Variants in NEDD4L observed in about 807,000 individuals in gnomAD.
The protein encoded by NEDD4L is NEDD4 like E3 ubiquitin protein ligase, also known as E3 ubiquitin-protein ligase NEDD4-like.
Under a neutral mutation model 148.9 loss-of-function variants are expected in NEDD4L, and 54 were observed. The ratio of observed to expected loss-of-function variants is 0.36; its 90% confidence interval spans 0.29 to 0.45. The LOEUF is 0.45. Among genes scored for constraint, NEDD4L ranks in the 20% least tolerant of loss-of-function variants. NEDD4L has a pLI of 1.00. For synonymous variants in NEDD4L, 433 were observed against 440.7 expected, an observed-to-expected ratio of 0.98 and a Z score of 0.22; for missense variants, 856 against 1,233.8, an observed-to-expected ratio of 0.69 and a Z score of 4.59.
intron 1 of NEDD4L, among the ~76,000 whole-genome samples, chr18:58,127,028 G>T (rs193083823): frequency 1.3e-5 from 2 of 152,304 alleles, no homozygotes; most frequent in Non-Finnish European, 2.9e-5. Flanking sequence ...TGAGACTGGG[G>T]TGACGGCTGC....
At chr18:58,301,711 C>G (rs1469152032) in intron 5 of NEDD4L, among the ~76,000 whole-genome samples, 1 of 152,202 alleles carries the variant, frequency 6.6e-6, no homozygotes, top group Non-Finnish European at 1.5e-5. Context: ...AAGCTGTTGT[C>G]TGTGAATCGT....
At chr18:58,230,344 C>A (rs763611586) in intron 2 of NEDD4L, among the ~76,000 whole-genome samples, 1 of 151,204 alleles carries the variant, frequency 6.6e-6, no homozygotes, top group East Asian at 1.9e-4. Flanking sequence ...TTTAGTTAAT[C>A]GAAAGTGGCT....
intron 1 of NEDD4L, among the ~76,000 whole-genome samples, chr18:58,136,254 G>A (rs1281599535): frequency 2.6e-5 from 4 of 152,146 alleles, no homozygotes; most frequent in East Asian, 1.9e-4. Context: ...ACCCTGAGCC[G>A]AGAAAGTGGA....
intron 1 of NEDD4L, chr18:58,149,270 TTGGTGTCCAGG>T: frequency 1.6e-6 from 1 of 638,332 alleles, no homozygotes; most frequent in Non-Finnish European, 2.3e-6. Flanking sequence ...AGGCTGGACC[TTGGTGTCCAGG>T]TGGCAGGTTC....
Position 58,256,511 on chromosome 18 carries a change from C to T in NEDD4L, c.297+4457C>T, listed in dbSNP as rs926458523. ...GAGCACCTCGTACCCCACGCAGCCC[C>T]GAAGCGAGCGAGGGAGCCCCACGGA... On this transcript the variant is annotated intron_variant, in intron 5 of 30. Transcript: ENST00000400345. The surrounding 1 kb of genome is among the most constrained non-coding windows in gnomAD (Gnocchi z 5.2). The T allele has an allele frequency of 5.7e-6, 7 of 1,232,142 alleles. No individual in the cohort carries two copies. Among genetic ancestry groups the T allele is most frequent in the African/African-American group, 1.6e-5 (1 of 64,414 alleles). The allele number at this position is 1,232,142 out of a possible 1,614,324, so 76.3% of individuals were successfully genotyped here.
At chr18:58,164,728 C>T (rs547877835) in intron 1 of NEDD4L, among the ~76,000 whole-genome samples, 1 of 152,318 alleles carries the variant, frequency 6.6e-6, no homozygotes, top group East Asian at 1.9e-4. Context: ...CTCGGCCTCC[C>T]AAAGTGCTGG....
intron 2 of NEDD4L, among the ~76,000 whole-genome samples, chr18:58,196,479 T>C (rs2040705678): frequency 6.6e-6 from 1 of 152,194 alleles, no homozygotes; most frequent in African/African-American, 2.4e-5. Context: ...GTAAATGAGG[T>C]GCATAATCAT....
intron 18 of NEDD4L, among the ~76,000 whole-genome samples, chr18:58,351,795 G>A (rs935495206): frequency 6.6e-6 from 1 of 152,168 alleles, no homozygotes; most frequent in Non-Finnish European, 1.5e-5. Flanking sequence ...GTGCAATTTG[G>A]TAGTATCTTG....
intron 5 of NEDD4L, among the ~76,000 whole-genome samples, chr18:58,285,570 T>C (rs1042213010): frequency 6.6e-6 from 1 of 152,198 alleles, no homozygotes; most frequent in Non-Finnish European, 1.5e-5. Flanking sequence ...GTTAGGCTTA[T>C]TATCGTTTAA....
intron 17 of NEDD4L, among the ~76,000 whole-genome samples, chr18:58,350,759 C>T (rs1018155742): frequency 4.6e-5 from 7 of 152,216 alleles, no homozygotes; most frequent in Admixed American, 1.3e-4. Flanking sequence ...AGCCCATTTC[C>T]GGTTCTTCAT....
chr18:58,079,949 G>T (rs1041418110), intron 1 of NEDD4L, among the ~76,000 whole-genome samples: 6 of 152,048 alleles, frequency 3.9e-5, no homozygotes, highest in Non-Finnish European at 7.4e-5. Flanking sequence ...ATTTTTAGAG[G>T]CAGAGCCTCA....
In NEDD4L at chr18:58,256,906, G is replaced by A; in HGVS notation, c.297+4852G>A. On this transcript the variant is annotated intron_variant, in intron 5 of 30. Transcript: ENST00000400345. The surrounding 1 kb of genome is among the most constrained non-coding windows in gnomAD (Gnocchi z 5.2). ...TTCAGGCCAGTGGATCTGAATGTTT[G>A]GCCGAGTTCTGGCACGATGATTTGT... 1 of 818,814 alleles carries A rather than the reference G, an allele frequency of 1.2e-6. No individual in the cohort carries two copies. The highest frequency in any genetic ancestry group is 1.6e-6 in the Non-Finnish European group (1 of 611,034). The allele number at this position is 818,814 out of a possible 1,614,324, so 50.7% of individuals were successfully genotyped here.
intron 1 of NEDD4L, among the ~76,000 whole-genome samples, chr18:58,063,918 G>T (rs1321881586): frequency 6.7e-6 from 1 of 149,458 alleles, no homozygotes; most frequent in Admixed American, 6.7e-5. Flanking sequence ...TCAGTGAGAA[G>T]CCATGTTGCC....
chr18:58,049,221 A>G (rs1387794588), intron 1 of NEDD4L, among the ~76,000 whole-genome samples: 1 of 152,240 alleles, frequency 6.6e-6, no homozygotes, highest in Admixed American at 6.5e-5. Context: ...GTGTTTGAGG[A>G]AAGTGCTAGA....
In NEDD4L at chr18:58,125,358, G is replaced by GGT. The variant is rs34644275; in HGVS notation, c.49-40401_49-40400dup. On this transcript the variant is annotated intron_variant, in intron 1 of 30. Transcript: ENST00000400345. The stretch of plus-strand genomic sequence containing the variant: ...ACTGTCCTCTTCCCCCCACCAGGAG[G>GGT]GTGTGTGTGTGTGTGTGTGTGTGTG... Among the ~76,000 whole-genome samples the GGT allele has an allele frequency of 8.3e-3, 1,236 of 148,814 alleles. 6 individuals are homozygous for GGT. Among genetic ancestry groups the GGT allele is most frequent in the South Asian group, 0.013 (62 of 4,626 alleles).
intron 5 of NEDD4L, among the ~76,000 whole-genome samples, chr18:58,252,968 A>G (rs929560311): frequency 3.9e-5 from 6 of 152,242 alleles, no homozygotes; most frequent in Admixed American, 2.6e-4. Context: ...AGGTGTTCCA[A>G]CTATGAAAAT....
In NEDD4L at chr18:58,248,475, A is replaced by G. The variant is rs547440362; in HGVS notation, c.205-424A>G. ...CTCTATAAAATGTTAAGATTTCAAT[A>G]TTTATATAAACAATGAACACATTCA... On this transcript the variant is annotated intron_variant, in intron 3 of 30. Coordinates refer to ENST00000400345, the MANE Select transcript of NEDD4L (RefSeq NM_001144967.3). Among the ~76,000 whole-genome samples, 7 of 152,290 alleles carry G rather than the reference A, an allele frequency of 4.6e-5. No individual in the cohort carries two copies. In the South Asian group the frequency reaches 1.5e-3, roughly 32 times the overall value.
intron 2 of NEDD4L, among the ~76,000 whole-genome samples, chr18:58,240,042 T>C (rs2046449719): frequency 6.6e-6 from 1 of 152,206 alleles, no homozygotes; most frequent in Non-Finnish European, 1.5e-5. Context: ...GCCTGAGGAT[T>C]TCCTGCTGAG....
At chr18:58,084,798 G>A (rs1435811764) in intron 1 of NEDD4L, among the ~76,000 whole-genome samples, 1 of 151,800 alleles carries the variant, frequency 6.6e-6, no homozygotes, top group Non-Finnish European at 1.5e-5. Context: ...GGGCTCAAGA[G>A]ATCCTCCCAC....
Sources: gnomAD v4.1 joint callset for allele counts (sites outside exome capture counted in the v4.1 genomes callset) on GRCh38, gnomAD v4.1.1 for gene constraint, Gnocchi (gnomAD v3.1) non-coding constraint, MANE v1.5 for transcripts, NCBI Gene and HGNC (gene_info 2026-07-23, HGNC 2026-07-21) for gene names.